Variants in SEPTIN7 observed in about 807,000 individuals in gnomAD.
SEPTIN7 encodes the protein septin 7, also known as septin-7.
SEPTIN7 carries 10 observed loss-of-function variants against 63.3 expected under a neutral mutation model. That is an observed-to-expected ratio of 0.16 (90% CI 0.10 to 0.27). The LOEUF is 0.27. Among genes scored for constraint, SEPTIN7 ranks in the 10% least tolerant of loss-of-function variants. SEPTIN7 has a pLI of 1.00. For missense variants in SEPTIN7, 310 were observed against 521.0 expected, an observed-to-expected ratio of 0.59 and a Z score of 3.94; for synonymous variants, 131 against 165.3, an observed-to-expected ratio of 0.79 and a Z score of 1.59.
intron 3 of SEPTIN7, among the ~76,000 whole-genome samples, chr7:35,859,325 A>G (rs903807650): frequency 3.3e-5 from 5 of 151,932 alleles, no homozygotes; most frequent in Non-Finnish European, 5.9e-5. Flanking sequence ...TCCCTCCATT[A>G]CTGATTTTTA....
At chr7:35,839,857 AT>A (rs1033052759) in intron 3 of SEPTIN7, among the ~76,000 whole-genome samples, 1 of 151,998 alleles carries the variant, frequency 6.6e-6, no homozygotes, top group Non-Finnish European at 1.5e-5. Context: ...CTGACCTGTA[AT>A]TTATTTTTTT....
chr7:35,806,289 A>AT (rs1297260707), intron 1 of SEPTIN7, among the ~76,000 whole-genome samples: 1 of 152,146 alleles, frequency 6.6e-6, no homozygotes, highest in Admixed American at 6.5e-5. Flanking sequence ...AATTACCTAG[A>AT]TTTTTTTGTA....
chr7:35,801,422 C>A, intron 1 of SEPTIN7, 152 bp downstream of exon 1: 3 of 921,638 alleles, frequency 3.3e-6, no homozygotes, highest in Non-Finnish European at 4.5e-6. Flanking sequence ...GGGCCCGGGG[C>A]GCGGCAGCGG....
chr7:35,807,455 C>G (rs886937054), intron 1 of SEPTIN7, among the ~76,000 whole-genome samples: 5 of 151,376 alleles, frequency 3.3e-5, no homozygotes, highest in African/African-American at 9.7e-5. Flanking sequence ...AGGTCTGCCT[C>G]CCGGGTTCAC....
chr7:35,877,522 T>G (rs1786546298), intron 6 of SEPTIN7, among the ~76,000 whole-genome samples: 1 of 152,204 alleles, frequency 6.6e-6, no homozygotes, highest in Non-Finnish European at 1.5e-5. Context: ...AATAAAATTA[T>G]TAACAGAATG....
chr7:35,844,070 G>A (rs1397865948), intron 3 of SEPTIN7, among the ~76,000 whole-genome samples: 1 of 152,110 alleles, frequency 6.6e-6, no homozygotes, highest in African/African-American at 2.4e-5. Context: ...AATTTTAATT[G>A]AATGATTAGT....
intron 11 of SEPTIN7, among the ~76,000 whole-genome samples, chr7:35,894,388 G>C (rs1385008969): frequency 6.6e-6 from 1 of 151,996 alleles, no homozygotes; most frequent in East Asian, 1.9e-4. Flanking sequence ...CTTTATAAGT[G>C]AATGACTAAA....
the SEPTIN7 span, among the ~76,000 whole-genome samples, chr7:35,915,101 ACAC>A: frequency 7.2e-6 from 1 of 138,952 alleles, no homozygotes; most frequent in Admixed American, 7.5e-5. Flanking sequence ...ATGCGTATGT[ACAC>A]AGGTGCATGT....
In SEPTIN7 at chr7:35,801,204, G is replaced by C. The variant is rs761498377; in HGVS notation, c.-6G>C. The C allele has an allele frequency of 1.3e-6, 2 of 1,506,312 alleles. No homozygotes were observed. The highest frequency in any genetic ancestry group is 2.2e-5 in the Admixed American group (1 of 45,202). 93.3% of individuals were successfully genotyped at this position (1,506,312 alleles called of 1,614,324 possible). A position where few individuals can be genotyped will look rare whatever the true frequency, so the allele number is the denominator to read the frequency against. ...CGCTGGGGCTGGTCGCGGAGGGGGG[G>C]AGGGGATGTCGGTCAGTGCGAGATC... On this transcript the variant is annotated 5_prime_UTR_variant, in exon 1 of 14. Transcript: ENST00000350320.
At chr7:35,904,189 A>C in intron 13 of SEPTIN7, 65 bp from the exon 14 acceptor site, 1 of 1,236,644 alleles carries the variant, frequency 8.1e-7, no homozygotes, top group Non-Finnish European at 1.1e-6. Context: ...AGCTGTTGTT[A>C]TCATGTTGTC....
chr7:35,887,831 C>A (rs1272467989), intron 10 of SEPTIN7, among the ~76,000 whole-genome samples: 1 of 152,294 alleles, frequency 6.6e-6, no homozygotes, highest in East Asian at 1.9e-4. Context: ...TTTAATTTAG[C>A]TCATGTCTTT....
chr7:35,860,312 T>G lies in SEPTIN7; in HGVS notation c.170-3240T>G, dbSNP rs562954466. Among the ~76,000 whole-genome samples, 3 of 152,312 alleles carry G rather than the reference T, an allele frequency of 2.0e-5. No individual in the cohort carries two copies. In the South Asian group the frequency reaches 6.2e-4, roughly 32 times the overall value. On this transcript the variant is annotated intron_variant, in intron 3 of 13. Transcript: ENST00000350320. ...ACATTATTATACATTATGTACCTAT[T>G]AACACAGATTCATGATTTTTTAATG...
intron 11 of SEPTIN7, among the ~76,000 whole-genome samples, chr7:35,897,609 G>A (rs1420760424): frequency 1.3e-5 from 2 of 151,994 alleles, no homozygotes; most frequent in African/African-American, 4.8e-5. Context: ...AAGTATGTGT[G>A]TGTGTTTTAA....
At position 35,819,399 on chromosome 7, in the gene SEPTIN7, C is replaced by T. The variant is rs181944049; in HGVS notation, c.62-12093C>T. ...TCTTCTGGAGAATATTCCATGTGCA[C>T]TTGAGAAGATTGTGTTTTGCTGTTT... On this transcript the variant is annotated intron_variant, in intron 1 of 13. Transcript: ENST00000350320. 4.4e-3 allele frequency among the ~76,000 whole-genome samples: 675 copies of T among 152,204 alleles called. 26 individuals carry two copies. The highest frequency in any genetic ancestry group is 0.04 in the Admixed American group (607 of 15,274).
chr7:35,883,546 C>T (rs1019902420), intron 8 of SEPTIN7, among the ~76,000 whole-genome samples: 1 of 146,714 alleles, frequency 6.8e-6, no homozygotes, highest in African/African-American at 2.5e-5. Flanking sequence ...TAGCCCCCCG[C>T]TTTTTTTCCC....
chr7:35,842,212 T>C (rs540384828), intron 3 of SEPTIN7, among the ~76,000 whole-genome samples: 2 of 152,312 alleles, frequency 1.3e-5, no homozygotes, highest in Non-Finnish European at 2.9e-5. Context: ...TGCCAGGATA[T>C]TGTACTTGTT....
At chr7:35,817,237 G>A (rs1482264871) in intron 1 of SEPTIN7, among the ~76,000 whole-genome samples, 9 of 151,894 alleles carry the variant, frequency 5.9e-5, no homozygotes, top group South Asian at 2.1e-4. Context: ...TGTGTATGGC[G>A]TGAGATAGGA....
chr7:35,835,015 A>G lies in SEPTIN7; in HGVS notation c.169+2115A>G, dbSNP rs536982024. 1.2e-4 allele frequency among the ~76,000 whole-genome samples: 19 copies of G among 152,244 alleles called. No individual in the cohort carries two copies. The East Asian group carries it at 2.9e-3, about 23-fold the overall frequency. On this transcript the variant is annotated intron_variant, in intron 3 of 13. Transcript: ENST00000350320. ...GTACTTTGTTGGAAAACCTTTAATA[A>G]TCTTGCTTCATAAGCAATGTTTATT...
chr7:35,850,656 T>C lies in SEPTIN7; in HGVS notation c.170-12896T>C, dbSNP rs183221080. ...TTGAAATGTGACCTCCTTTCCAGGC[T>C]GGTGTGATTTCTCAGTTTTCTGAAA... is the stretch of plus-strand genomic sequence containing the variant. On this transcript the variant is annotated intron_variant, in intron 3 of 13. Coordinates refer to ENST00000350320, the MANE Select transcript of SEPTIN7 (RefSeq NM_001788.6). 3.9e-5 allele frequency among the ~76,000 whole-genome samples: 6 copies of C among 152,316 alleles called. No homozygotes were observed. In the East Asian group the frequency reaches 7.7e-4, roughly 20 times the overall value.
Sources: allele counts gnomAD v4.1 joint callset (sites outside exome capture counted in the v4.1 genomes callset), GRCh38; gene constraint gnomAD v4.1.1; transcripts MANE v1.5; gene names NCBI Gene and HGNC (gene_info 2026-07-23, HGNC 2026-07-21).